ASIC2: variants seen among roughly 807,000 people sequenced by gnomAD.
ASIC2 encodes acid-sensing ion channel 2.
In ASIC2, 25 loss-of-function variants were observed where a neutral mutation model predicts 57.3. That is an observed-to-expected ratio of 0.44 (90% CI 0.32 to 0.61). The LOEUF (loss-of-function observed/expected upper bound fraction) is 0.61, where lower values mean the gene tolerates loss of function less well. ASIC2 is among the 20% of genes least tolerant of loss of function. ASIC2 has a pLI of 0.06. For missense variants in ASIC2, 641 were observed against 738.1 expected, an observed-to-expected ratio of 0.87 and a Z score of 1.52; for synonymous variants, 319 against 307.5, an observed-to-expected ratio of 1.04 and a Z score of -0.39.
chr17:33,904,791 C>A (rs117862600), intron 1 of ASIC2, among the ~76,000 whole-genome samples: 1 of 152,218 alleles, frequency 6.6e-6, no homozygotes, highest in Non-Finnish European at 1.5e-5. Flanking sequence ...ACTTCTGTAA[C>A]TTCTTCCTTA....
intron 1 of ASIC2, among the ~76,000 whole-genome samples, chr17:33,385,032 T>C (rs1435415750): frequency 6.6e-6 from 1 of 152,230 alleles, no homozygotes; most frequent in African/African-American, 2.4e-5. Flanking sequence ...CTGCATGGGC[T>C]TGAGCAAGAC....
intron 1 of ASIC2, among the ~76,000 whole-genome samples, chr17:33,509,438 C>T (rs1211425760): frequency 6.6e-6 from 1 of 152,200 alleles, no homozygotes; most frequent in Non-Finnish European, 1.5e-5. Flanking sequence ...ATCGGCTCAT[C>T]TGCCGCAATC....
intron 3 of ASIC2, among the ~76,000 whole-genome samples, chr17:33,030,407 G>A (rs4795734): frequency 0.82 from 124,254 of 152,150 alleles, 51,457 homozygotes; most frequent in African/African-American, 0.95. Context: ...TTCTCTCAGC[G>A]TAATGTTTTT....
At chr17:33,793,191 G>C (rs1405318160) in intron 1 of ASIC2, among the ~76,000 whole-genome samples, 2 of 152,046 alleles carry the variant, frequency 1.3e-5, no homozygotes, top group African/African-American at 4.8e-5. Context: ...CTTTTTGCTG[G>C]GTAAGAAATA....
intron 1 of ASIC2, among the ~76,000 whole-genome samples, chr17:33,278,503 A>T (rs1174065668): frequency 6.9e-6 from 1 of 144,828 alleles, no homozygotes; most frequent in Non-Finnish European, 1.5e-5. Flanking sequence ...AAAAAAAAAA[A>T]TTGATGGGCT....
At chr17:33,261,058 AT>A (rs1252334689) in intron 1 of ASIC2, among the ~76,000 whole-genome samples, 1 of 152,226 alleles carries the variant, frequency 6.6e-6, no homozygotes, top group Admixed American at 6.5e-5. Context: ...AGAAATAAAT[AT>A]CCCAGTGTGC....
At chr17:33,375,108 A>G (rs1459034571) in intron 1 of ASIC2, among the ~76,000 whole-genome samples, 1 of 152,204 alleles carries the variant, frequency 6.6e-6, no homozygotes, top group African/African-American at 2.4e-5. Context: ...TAGTAAATAC[A>G]TAGTATGTCA....
intron 1 of ASIC2, among the ~76,000 whole-genome samples, chr17:33,358,992 G>A (rs1017259138): frequency 5.3e-5 from 8 of 152,288 alleles, no homozygotes; most frequent in Middle Eastern, 3.4e-3. Context: ...CTTAAATAGC[G>A]TGGACTTAAG....
chr17:33,518,726 T>C (rs538212147), intron 1 of ASIC2, among the ~76,000 whole-genome samples: 7 of 152,338 alleles, frequency 4.6e-5, no homozygotes, highest in African/African-American at 1.7e-4. Flanking sequence ...TGAAAGCTAA[T>C]ATGCAAGAAT....
intron 1 of ASIC2, among the ~76,000 whole-genome samples, chr17:33,960,805 A>G (rs181649752): frequency 1.6e-4 from 24 of 152,196 alleles, no homozygotes; most frequent in East Asian, 1.2e-3. Flanking sequence ...CAGCAGTTCC[A>G]CCTTCTAACA....
intron 1 of ASIC2, among the ~76,000 whole-genome samples, chr17:33,325,697 C>G (rs895613331): frequency 3.3e-5 from 5 of 152,026 alleles, no homozygotes; most frequent in Non-Finnish European, 7.4e-5. Flanking sequence ...GACAGAGCAG[C>G]AAGTGGGTAT....
chr17:33,025,405 A>G (rs1399240832), intron 5 of ASIC2, among the ~76,000 whole-genome samples: 1 of 151,998 alleles, frequency 6.6e-6, no homozygotes, highest in African/African-American at 2.4e-5. Flanking sequence ...TTCCATTTGC[A>G]TGCATGGAAT....
intron 1 of ASIC2, among the ~76,000 whole-genome samples, chr17:33,360,509 C>T (rs1908556553): frequency 6.6e-6 from 1 of 152,198 alleles, no homozygotes; most frequent in Non-Finnish European, 1.5e-5. Context: ...CTGTAGCCCA[C>T]CTCCTCCCTG....
chr17:33,937,987 C>G (rs1916105745), intron 1 of ASIC2, among the ~76,000 whole-genome samples: 1 of 152,132 alleles, frequency 6.6e-6, no homozygotes, highest in Non-Finnish European at 1.5e-5. Flanking sequence ...AAGGAGTTTC[C>G]TAGGGAACAA....
At chr17:33,549,829 G>T (rs1199113218) in intron 1 of ASIC2, among the ~76,000 whole-genome samples, 2 of 152,112 alleles carry the variant, frequency 1.3e-5, no homozygotes, top group African/African-American at 4.8e-5. Flanking sequence ...CATGGTGCCT[G>T]GTCACTTCTT....
At chr17:33,361,750 C>T (rs1908615952) in intron 1 of ASIC2, among the ~76,000 whole-genome samples, 1 of 152,152 alleles carries the variant, frequency 6.6e-6, no homozygotes, top group Admixed American at 6.5e-5. Context: ...GTTTCCTTTC[C>T]ATCACCCCAG....
chr17:33,267,784 G>A (rs571618852), intron 1 of ASIC2, among the ~76,000 whole-genome samples: 18 of 152,250 alleles, frequency 1.2e-4, no homozygotes, highest in Admixed American at 8.5e-4. Context: ...TGGAGGGGAC[G>A]GGAGAGTGTG....
In ASIC2 at chr17:33,426,178, G is replaced by T. The variant is rs35421872; in HGVS notation, c.556-314111C>A. ...TTGCTGTGCTGGACATGCTCTGAGA[G>T]CAGCAGGAACACAGATCATGGAAGA... On this transcript the variant is annotated intron_variant, in intron 1 of 9. Transcript: ENST00000359872. 8.8e-3 allele frequency among the ~76,000 whole-genome samples: 1,340 copies of T among 152,302 alleles called. 23 individuals are homozygous for T. The highest frequency in any genetic ancestry group is 0.031 in the African/African-American group (1,277 of 41,548).
chr17:33,556,919 G>A (rs935877445), intron 1 of ASIC2, among the ~76,000 whole-genome samples: 7 of 152,216 alleles, frequency 4.6e-5, no homozygotes, highest in Admixed American at 1.3e-4. Flanking sequence ...TCTGTGAGAG[G>A]TGCCTTAAGT....
Sources: allele counts gnomAD v4.1 joint callset (sites outside exome capture counted in the v4.1 genomes callset), GRCh38; gene constraint gnomAD v4.1.1; transcripts MANE v1.5; gene names NCBI Gene and HGNC (gene_info 2026-07-23, HGNC 2026-07-21).